Variants in DENND5B observed in about 807,000 individuals in gnomAD.
DENND5B encodes DENN domain-containing protein 5B.
Under a neutral mutation model 140.6 loss-of-function variants are expected in DENND5B, and 34 were observed. The ratio of observed to expected loss-of-function variants is 0.24; its 90% CI spans 0.18 to 0.32. The LOEUF is 0.32. Among genes scored for constraint, DENND5B ranks in the 10% least tolerant of loss-of-function variants. The probability of loss-of-function intolerance (pLI) is 1.00; values close to 1 mark genes in which losing one functional copy is unlikely to be tolerated. For missense variants in DENND5B, 1,142 were observed against 1,560.2 expected (o/e 0.73, Z 4.52); for synonymous variants, 551 against 562.1 (o/e 0.98, Z 0.28).
intron 1 of DENND5B, chr12:31,500,273 G>C (rs553309869): frequency 4.8e-6 from 2 of 417,870 alleles, no homozygotes; most frequent in Non-Finnish European, 9.3e-6. Context: ...TAGAAAATTA[G>C]AATACTGGCC....
intron 7 of DENND5B, among the ~76,000 whole-genome samples, chr12:31,439,681 G>C (rs993012842): frequency 2.6e-5 from 4 of 152,052 alleles, no homozygotes; most frequent in Admixed American, 6.6e-5. Flanking sequence ...TGTAATCCCA[G>C]CACTTTGGGA....
intron 1 of DENND5B, among the ~76,000 whole-genome samples, chr12:31,539,665 TGATAA>T (rs1177895592): frequency 6.6e-6 from 1 of 152,168 alleles, no homozygotes; most frequent in Admixed American, 6.5e-5. Context: ...AAAAAGCACT[TGATAA>T]CATTCAACAT....
intron 3 of DENND5B, among the ~76,000 whole-genome samples, chr12:31,478,290 T>C (rs887233979): frequency 3.3e-5 from 5 of 152,202 alleles, no homozygotes; most frequent in Non-Finnish European, 7.3e-5. Flanking sequence ...TATAGTCTAC[T>C]TGGCTCAGCC....
intron 1 of DENND5B, among the ~76,000 whole-genome samples, chr12:31,553,892 C>CT (rs1236132902): frequency 2.6e-5 from 4 of 151,990 alleles, no homozygotes; most frequent in Non-Finnish European, 5.9e-5. Flanking sequence ...CAACCCCTGC[C>CT]TTTTTTTGTT....
At chr12:31,534,827 G>C (rs1948424570) in intron 1 of DENND5B, 1 of 456,760 alleles carries the variant, frequency 2.2e-6, no homozygotes, top group Non-Finnish European at 4.3e-6. Flanking sequence ...TTTCAGCCCT[G>C]GTTTGATGTA....
intron 1 of DENND5B, among the ~76,000 whole-genome samples, chr12:31,576,546 G>C (rs769234497): frequency 7.2e-5 from 11 of 152,082 alleles, no homozygotes; most frequent in Non-Finnish European, 1.5e-4. Flanking sequence ...CCCAGTTTCT[G>C]CTAGAAATGA....
intron 4 of DENND5B, among the ~76,000 whole-genome samples, chr12:31,455,898 A>G (rs1404887470): frequency 6.6e-6 from 1 of 152,164 alleles, no homozygotes; most frequent in East Asian, 1.9e-4. Flanking sequence ...AGGCGCCTGT[A>G]ATCCCAGCTA....
intron 1 of DENND5B, among the ~76,000 whole-genome samples, chr12:31,528,961 G>C (rs1022557814): frequency 6.6e-6 from 1 of 151,952 alleles, no homozygotes; most frequent in Non-Finnish European, 1.5e-5. Flanking sequence ...AGGAGTCCAA[G>C]AGCAGCCTGG....
intron 4 of DENND5B, among the ~76,000 whole-genome samples, chr12:31,459,213 G>A (rs201404729): frequency 8.1e-5 from 12 of 148,552 alleles, no homozygotes; most frequent in Non-Finnish European, 9.0e-5. Context: ...CAAAAGAAAA[G>A]AAAAAAAAAA....
At chr12:31,515,710 GC>G (rs1947610665) in intron 1 of DENND5B, among the ~76,000 whole-genome samples, 1 of 152,148 alleles carries the variant, frequency 6.6e-6, no homozygotes, top group Admixed American at 6.5e-5. Context: ...ACATAGATAT[GC>G]TTTTTACACT....
chr12:31,405,339 C>T (rs1198363821), intron 14 of DENND5B, among the ~76,000 whole-genome samples: 1 of 152,030 alleles, frequency 6.6e-6, no homozygotes, highest in African/African-American at 2.4e-5. Flanking sequence ...ACCTCGGCCT[C>T]CCCAGTAGCT....
At chr12:31,480,711 A>C (rs1946036758) in intron 2 of DENND5B, among the ~76,000 whole-genome samples, 1 of 152,252 alleles carries the variant, frequency 6.6e-6, no homozygotes, top group Non-Finnish European at 1.5e-5. Flanking sequence ...TAATACAGGG[A>C]AATAGGAAAA....
chr12:31,483,720 G>A (rs1946171867), intron 2 of DENND5B, among the ~76,000 whole-genome samples: 1 of 151,814 alleles, frequency 6.6e-6, no homozygotes, highest in Non-Finnish European at 1.5e-5. Flanking sequence ...TTACAGGCTT[G>A]AGCCACTGAG....
chr12:31,509,987 C>A (rs1345941071), intron 1 of DENND5B, among the ~76,000 whole-genome samples: 1 of 152,204 alleles, frequency 6.6e-6, no homozygotes, highest in Non-Finnish European at 1.5e-5. Context: ...CATGATCTAG[C>A]TGGACCTACT....
rs542146263 is a variant in DENND5B, at chr12:31,403,462, A to C, written c.2804-819T>G. Among the ~76,000 whole-genome samples, 3 of 151,482 alleles carry C rather than the reference A, an allele frequency of 2.0e-5. No homozygotes were observed. In the South Asian group the frequency reaches 6.3e-4, roughly 32 times the overall value. On this transcript the variant is annotated intron_variant, in intron 14 of 20. Coordinates refer to ENST00000389082, the MANE Select transcript of DENND5B (RefSeq NM_144973.4). ...ACAAAAATTAGCCGGGTGTGGTGGC[A>C]GGCGCCTGAAATCCCAGCTACTTGG...
In DENND5B at chr12:31,404,759, C is replaced by CTTTTAT. The variant is rs564492512; in HGVS notation, c.2804-2117_2804-2116insATAAAA. Among the ~76,000 whole-genome samples, 6 of 74,070 alleles carry CTTTTAT rather than the reference C, an allele frequency of 8.1e-5. 1 individual carries two copies. In the East Asian group the frequency reaches 2.5e-3, roughly 30 times the overall value. 48.6% of individuals were successfully genotyped at this position (74,070 alleles called of 152,430 possible). A position where few individuals can be genotyped will look rare whatever the true frequency, so the allele number is the denominator to read the frequency against. On this transcript the variant is annotated intron_variant, in intron 14 of 20. Transcript: ENST00000389082. ...ATAAGCCACCGCGTCCGACCTCTAG[C>CTTTTAT]TTTTTTTTTTTTTTTTTGAGACAGA...
At chr12:31,521,523 G>T (rs1046917514) in intron 1 of DENND5B, among the ~76,000 whole-genome samples, 10 of 152,024 alleles carry the variant, frequency 6.6e-5, no homozygotes, top group African/African-American at 2.4e-4. Context: ...GAAAATTGCT[G>T]ATTGTATTTC....
intron 4 of DENND5B, among the ~76,000 whole-genome samples, chr12:31,454,635 G>T (rs754842028): frequency 2.0e-5 from 3 of 151,420 alleles, no homozygotes; most frequent in African/African-American, 2.4e-5. Flanking sequence ...AGTAGAGATG[G>T]GGTTTCACCA....
intron 1 of DENND5B, among the ~76,000 whole-genome samples, chr12:31,583,790 C>G (rs1677189): frequency 5.3e-5 from 8 of 152,170 alleles, no homozygotes; most frequent in Non-Finnish European, 1.0e-4. Context: ...TATTTCATCA[C>G]AGATTCTTAT....
Sources: gnomAD v4.1 joint callset for allele counts (sites outside exome capture counted in the v4.1 genomes callset) on GRCh38, gnomAD v4.1.1 for gene constraint, MANE v1.5 for transcripts, NCBI Gene and HGNC (gene_info 2026-07-23, HGNC 2026-07-21) for gene names.